The following KLHL1 variants were observed in gnomAD, a reference collection of about 807,000 sequenced individuals.
KLHL1 encodes the protein kelch-like protein 1.
Under a neutral mutation model 77.7 loss-of-function variants are expected in KLHL1, and 47 were observed. The observed-to-expected ratio is 0.60, with a 90% confidence interval of 0.48 to 0.77. The LOEUF is 0.77. Among genes scored for constraint, KLHL1 ranks in the 30% least tolerant of loss-of-function variants. The pLI is 0.00. For synonymous variants in KLHL1, 360 were observed against 325.2 expected (o/e 1.11, Z -1.15); for missense variants, 925 against 910.8 (o/e 1.02, Z -0.20).
chr13:70,033,474 A>AT (rs1593690739), intron 1 of KLHL1, among the ~76,000 whole-genome samples: 3 of 149,606 alleles, frequency 2.0e-5, no homozygotes, highest in East Asian at 4.0e-4. Context: ...TTTTATTTTT[A>AT]TTTTTTGTAT....
chr13:69,880,119 C>A (rs966392676), intron 5 of KLHL1, among the ~76,000 whole-genome samples: 1 of 152,102 alleles, frequency 6.6e-6, no homozygotes, highest in Non-Finnish European at 1.5e-5. Context: ...ATCTGGCCAA[C>A]CTATGTTTGC....
intron 6 of KLHL1, 122 bp downstream of exon 6, chr13:69,838,848 CCTTAAT>C (rs1879130008): frequency 3.8e-6 from 2 of 532,610 alleles, no homozygotes; most frequent in Non-Finnish European, 6.1e-6. Context: ...TTAATTTCTC[CCTTAAT>C]CTTAAATTAC....
At chr13:69,757,897 C>T (rs1350611234) in intron 7 of KLHL1, among the ~76,000 whole-genome samples, 3 of 135,856 alleles carry the variant, frequency 2.2e-5, no homozygotes, top group Non-Finnish European at 3.0e-5. Flanking sequence ...GCAGAGGTTG[C>T]AGTCAGCCAA....
intron 8 of KLHL1, among the ~76,000 whole-genome samples, chr13:69,737,033 C>T (rs1164045011): frequency 6.6e-6 from 1 of 152,064 alleles, no homozygotes; most frequent in Non-Finnish European, 1.5e-5. Flanking sequence ...GCGCAACCCA[C>T]GGAAAGTGAG....
At chr13:70,038,390 G>A (rs1373213703) in intron 1 of KLHL1, among the ~76,000 whole-genome samples, 5 of 152,096 alleles carry the variant, frequency 3.3e-5, no homozygotes, top group African/African-American at 9.7e-5. Context: ...ATGTAGACAT[G>A]AGTATTCAGT....
At chr13:70,094,523 T>TA (rs1887744033) in intron 1 of KLHL1, among the ~76,000 whole-genome samples, 1 of 151,764 alleles carries the variant, frequency 6.6e-6, no homozygotes, top group African/African-American at 2.4e-5. Flanking sequence ...TAGACTAAAA[T>TA]AAAAAATTCC....
intron 1 of KLHL1, among the ~76,000 whole-genome samples, chr13:70,008,162 T>C (rs1431774045): frequency 6.6e-6 from 1 of 152,026 alleles, no homozygotes; most frequent in East Asian, 1.9e-4. Context: ...ACCTAGGAGA[T>C]AGTTTATTTG....
intron 4 of KLHL1, among the ~76,000 whole-genome samples, chr13:69,889,794 A>G (rs927247869): frequency 2.0e-5 from 3 of 152,084 alleles, no homozygotes; most frequent in Non-Finnish European, 4.4e-5. Context: ...TCTTATCAGA[A>G]TTAGGTATGA....
At chr13:70,065,187 G>GA (rs1008920980) in intron 1 of KLHL1, among the ~76,000 whole-genome samples, 36 of 152,016 alleles carry the variant, frequency 2.4e-4, no homozygotes, top group Admixed American at 2.2e-3. Context: ...TGTGACTGTA[G>GA]AAAAAAATAT....
rs200211825 is a variant in KLHL1 at position 70,054,278 on chromosome 13, TTAAA to T, written c.497+52921_497+52924del. Among the ~76,000 whole-genome samples, 1,098 of 152,192 alleles carry T rather than the reference TTAAA, an allele frequency of 7.2e-3. 16 individuals carry two copies. The highest frequency in any genetic ancestry group is 0.022 in the African/African-American group (931 of 41,538). On this transcript the variant is annotated intron_variant, in intron 1 of 10. Coordinates refer to ENST00000377844, the MANE Select transcript of KLHL1 (RefSeq NM_020866.3). ...TAAGAAATATCTATCTTGGTAAACT[TTAAA>T]TAATACAAATCGAATTTTTACAGAT...
chr13:69,835,682 T>C (rs1386411823), intron 6 of KLHL1, among the ~76,000 whole-genome samples: 1 of 151,986 alleles, frequency 6.6e-6, no homozygotes, highest in Non-Finnish European at 1.5e-5. Flanking sequence ...TAAAATAATA[T>C]TACCTGACAC....
intron 9 of KLHL1, among the ~76,000 whole-genome samples, chr13:69,708,930 C>T (rs143408184): frequency 2.3e-3 from 356 of 151,904 alleles, no homozygotes; most frequent in Middle Eastern, 6.8e-3. Context: ...ACTCCTAAAA[C>T]AAATGAAGAA....
chr13:69,852,461 C>T (rs1991076), intron 5 of KLHL1, among the ~76,000 whole-genome samples: 142,154 of 152,020 alleles, frequency 0.94, 66,693 homozygotes, highest in East Asian at 0.99. Context: ...TCAATAATGA[C>T]GTGGACCTAG....
chr13:69,968,632 A>G (rs1041107765), intron 2 of KLHL1, among the ~76,000 whole-genome samples: 1 of 151,990 alleles, frequency 6.6e-6, no homozygotes, highest in Non-Finnish European at 1.5e-5. Context: ...GTGCATATGT[A>G]TGTATGTGTG....
Position 69,939,903 on chromosome 13 carries a change from G to T in KLHL1, c.1014+137C>A, listed in dbSNP as rs75446110. On this transcript the variant is annotated intron_variant, in intron 4 of 10. Transcript: ENST00000377844. ...AGAAAATACATTATGGTACGCTATA[G>T]TTCATAACAAAAAAATGTGCCAAGC... 3.0e-3 allele frequency: 1,716 copies of T among 575,778 alleles called. 27 individuals carry two copies. In the African/African-American group the frequency reaches 0.03, roughly 10 times the overall value. The allele number at this position is 575,778 out of a possible 1,614,324, so 35.7% of individuals were successfully genotyped here. A position where few individuals can be genotyped will look rare whatever the true frequency, so the allele number is the denominator to read the frequency against.
chr13:69,781,866 C>G (rs1382098936), intron 7 of KLHL1, among the ~76,000 whole-genome samples: 4 of 151,882 alleles, frequency 2.6e-5, no homozygotes. Flanking sequence ...TATTAACTTT[C>G]TAATTATTGC....
At chr13:69,791,943 A>C (rs1876892280) in intron 7 of KLHL1, among the ~76,000 whole-genome samples, 1 of 152,218 alleles carries the variant, frequency 6.6e-6, no homozygotes, top group African/African-American at 2.4e-5. Context: ...TGAAGTTAAT[A>C]ACTTCTGTGC....
In KLHL1 at chr13:69,707,793, A is replaced by G. The variant is rs1356411366; in HGVS notation, c.2019T>C (p.Tyr673=). The stretch of plus-strand genomic sequence containing the variant: ...TGGTCCAAGTGTCTGTTTTGGGATC[A>G]TATCTAAAATTCAATGACAATAGTA... ...CSRLLDYVER[Y]DPKTDTWTMV... is the part of the protein sequence containing the mutation. Residue 673 remains tyrosine, a synonymous_variant, in exon 10 of 11, where the codon TAT becomes TAC. Coordinates refer to ENST00000377844, the MANE Select transcript of KLHL1 (RefSeq NM_020866.3). 6.2e-7 allele frequency: 1 copy of G among 1,611,642 alleles called. No individual in the cohort carries two copies. The highest frequency in any genetic ancestry group is 8.5e-7 in the Non-Finnish European group (1 of 1,178,584).
chr13:70,038,454 A>G (rs557863083), intron 1 of KLHL1, among the ~76,000 whole-genome samples: 33 of 152,048 alleles, frequency 2.2e-4, no homozygotes, highest in African/African-American at 8.0e-4. Flanking sequence ...CTAAGAGTAT[A>G]TTTACTAATT....
Sources: gnomAD v4.1 joint callset for allele counts (sites outside exome capture counted in the v4.1 genomes callset) on GRCh38, gnomAD v4.1.1 for gene constraint, MANE v1.5 for transcripts, NCBI Gene and HGNC (gene_info 2026-07-23, HGNC 2026-07-21) for gene names.